SRGAP1: variants seen among roughly 807,000 people sequenced by gnomAD.
The protein encoded by SRGAP1 is SLIT-ROBO Rho GTPase activating protein 1.
A neutral mutation model predicts 121.9 loss-of-function variants in SRGAP1; 43 were observed. The ratio of observed to expected loss-of-function variants is 0.35; its 90% CI spans 0.28 to 0.46. The LOEUF (loss-of-function observed/expected upper bound fraction) is 0.46, where lower values mean the gene tolerates loss of function less well. Among genes scored for constraint, SRGAP1 ranks in the 20% least tolerant of loss-of-function variants. The probability of loss-of-function intolerance (pLI) is 1.00; values close to 1 mark genes in which losing one functional copy is unlikely to be tolerated. For missense variants in SRGAP1, 1,102 were observed against 1,350.9 expected (o/e 0.82, Z 2.89); for synonymous variants, 447 against 485.4 (o/e 0.92, Z 1.04).
At chr12:64,065,276 A>G (rs1044774958) in intron 8 of SRGAP1, 57 bp downstream of exon 8, 9 of 1,347,748 alleles carry the variant, frequency 6.7e-6, no homozygotes, top group Non-Finnish European at 8.3e-6. Context: ...TAACTGGAAG[A>G]CATTCTCACA....
chr12:64,089,560 A>G (rs2036009597), intron 11 of SRGAP1, among the ~76,000 whole-genome samples: 2 of 152,206 alleles, frequency 1.3e-5, no homozygotes, highest in African/African-American at 4.8e-5. Flanking sequence ...GAAATCAAGT[A>G]TGTAGGGTTA....
rs1280672797 is a variant in SRGAP1, at chr12:64,161,916, C to T, written c.*19244C>T. The T allele has an allele frequency of 6.6e-6, 1 of 152,196 alleles. No homozygotes were observed. The highest frequency in any genetic ancestry group is 2.4e-5 in the African/African-American group (1 of 41,434). The allele number at this position is 152,196 out of a possible 1,614,324, so 9.4% of individuals were successfully genotyped here. ...GGAAAGAACGGAGTACTGATACACG[C>T]TACAACATGGGTAAACTGAAAACAT... On this transcript the variant is annotated 3_prime_UTR_variant, in exon 22 of 22. Coordinates refer to ENST00000355086, the MANE Select transcript of SRGAP1 (RefSeq NM_020762.4).
At chr12:63,980,624 C>T (rs1389528427) in intron 1 of SRGAP1, among the ~76,000 whole-genome samples, 9 of 149,046 alleles carry the variant, frequency 6.0e-5, no homozygotes, top group South Asian at 4.2e-4. Context: ...GATGGAGTCT[C>T]GCTGTGTTGC....
chr12:63,941,156 A>C (rs542202922), intron 1 of SRGAP1, among the ~76,000 whole-genome samples: 1 of 151,628 alleles, frequency 6.6e-6, no homozygotes, highest in African/African-American at 2.4e-5. Context: ...TTAGTCTTTA[A>C]TATATATTTA....
chr12:63,876,259 A>G (rs1392724127), intron 1 of SRGAP1, among the ~76,000 whole-genome samples: 2 of 152,162 alleles, frequency 1.3e-5, no homozygotes, highest in African/African-American at 4.8e-5. Context: ...TGAACTTCAA[A>G]AGACCTTACA....
intron 1 of SRGAP1, among the ~76,000 whole-genome samples, chr12:63,888,873 G>A (rs1900481125): frequency 6.6e-6 from 1 of 152,128 alleles, no homozygotes; most frequent in African/African-American, 2.4e-5. Context: ...TGCCACAGCT[G>A]GGCCACAACA....
chr12:63,964,411 C>T (rs1213673755), intron 1 of SRGAP1, among the ~76,000 whole-genome samples: 1 of 152,012 alleles, frequency 6.6e-6, no homozygotes, highest in Non-Finnish European at 1.5e-5. Flanking sequence ...GTTGGGAGTC[C>T]ACAAGGGTGA....
chr12:63,960,249 C>G (rs988166478), intron 1 of SRGAP1, among the ~76,000 whole-genome samples: 1 of 152,136 alleles, frequency 6.6e-6, no homozygotes, highest in Non-Finnish European at 1.5e-5. Context: ...TCTTACTTTC[C>G]TTGTCATTTC....
intron 1 of SRGAP1, among the ~76,000 whole-genome samples, chr12:63,881,424 T>C (rs1398243167): frequency 6.6e-6 from 1 of 152,340 alleles, no homozygotes; most frequent in Admixed American, 6.5e-5. Context: ...TTTTGGTGGT[T>C]ACTCATTATT....
In SRGAP1 at chr12:64,094,927, C is replaced by G. The variant is rs2036124545; in HGVS notation, c.1540-5C>G. The G allele has an allele frequency of 6.2e-7, 1 of 1,613,816 alleles. No individual in the cohort carries two copies. The highest frequency in any genetic ancestry group is 1.7e-5 in the Admixed American group (1 of 59,994). ...AGGTTAACTGGTTTCCATCCCTTTACCCAGGACTCAGGACAGGTTATTCCC... is the reference window on the plus strand; with the variant it reads ...AGGTTAACTGGTTTCCATCCCTTTAGCCAGGACTCAGGACAGGTTATTCCC... On this transcript the variant is annotated splice_region_variant and splice_polypyrimidine_tract_variant and intron_variant, in intron 12 of 21. Coordinates refer to ENST00000355086, the MANE Select transcript of SRGAP1 (RefSeq NM_020762.4).
chr12:64,116,075 T>C, intron 18 of SRGAP1, 182 bp downstream of exon 18: 1 of 545,892 alleles, frequency 1.8e-6, no homozygotes, highest in Non-Finnish European at 3.3e-6. Flanking sequence ...TGCAACATAG[T>C]GAGATCCCAT....
chr12:63,945,744 A>G (rs2032024229), intron 1 of SRGAP1, among the ~76,000 whole-genome samples: 1 of 152,220 alleles, frequency 6.6e-6, no homozygotes, highest in African/African-American at 2.4e-5. Flanking sequence ...GGCCCCAGCA[A>G]GGGAGCAGAA....
intron 4 of SRGAP1, among the ~76,000 whole-genome samples, chr12:64,026,248 A>G (rs892292948): frequency 6.6e-6 from 1 of 152,210 alleles, no homozygotes; most frequent in African/African-American, 2.4e-5. Flanking sequence ...ATTCTGAAAT[A>G]CAGTATTATA....
chr12:63,961,538 C>T (rs1242599958), intron 1 of SRGAP1, among the ~76,000 whole-genome samples: 1 of 152,216 alleles, frequency 6.6e-6, no homozygotes, highest in Non-Finnish European at 1.5e-5. Flanking sequence ...GATGTGGCCT[C>T]CATTCCCTTG....
At chr12:64,055,756 C>G (rs1402853467) in intron 6 of SRGAP1, among the ~76,000 whole-genome samples, 1 of 152,154 alleles carries the variant, frequency 6.6e-6, no homozygotes, top group Non-Finnish European at 1.5e-5. Context: ...TGGTTTCCTC[C>G]TGCAGTATGG....
chr12:64,094,427 C>A (rs1420661302), intron 12 of SRGAP1, among the ~76,000 whole-genome samples: 1 of 152,096 alleles, frequency 6.6e-6, no homozygotes, highest in Non-Finnish European at 1.5e-5. Context: ...CTGATGCAAA[C>A]TAAGTAAATA....
At chr12:63,900,201 T>TTTC (rs1160941129) in intron 1 of SRGAP1, among the ~76,000 whole-genome samples, 8 of 84,414 alleles carry the variant, frequency 9.5e-5, no homozygotes, top group South Asian at 9.5e-4. Flanking sequence ...TCTTTTTCTT[T>TTTC]TTCTTTTTTT....
chr12:64,124,089 G>C (rs984971213), intron 18 of SRGAP1, among the ~76,000 whole-genome samples: 5 of 152,080 alleles, frequency 3.3e-5, no homozygotes, highest in African/African-American at 7.2e-5. Flanking sequence ...AAAAGAAGGG[G>C]CATTTTTCTT....
Position 64,147,706 on chromosome 12 carries a change from A to AATC in SRGAP1, c.*5035_*5037dup, listed in dbSNP as rs2037075958. On this transcript the variant is annotated 3_prime_UTR_variant, in exon 22 of 22. Coordinates refer to ENST00000355086, the MANE Select transcript of SRGAP1 (RefSeq NM_020762.4). ...CTGGAAAGAAAAAAAATGTTTTGTT[A>AATC]ATCTGTTGTGACAATGCACTTTTAT... The AATC allele has an allele frequency of 7.5e-6, 3 of 398,532 alleles. No homozygotes were observed. Among genetic ancestry groups the AATC allele is most frequent in the Non-Finnish European group, 1.3e-5 (3 of 226,076 alleles). The allele number at this position is 398,532 out of a possible 1,614,324, so 24.7% of individuals were successfully genotyped here.
Sources: gnomAD v4.1 joint callset for allele counts (sites outside exome capture counted in the v4.1 genomes callset) on GRCh38, gnomAD v4.1.1 for gene constraint, MANE v1.5 for transcripts, NCBI Gene and HGNC (gene_info 2026-07-23, HGNC 2026-07-21) for gene names.